The following MORC3 variants were observed in gnomAD, a reference collection of about 807,000 sequenced individuals.
The protein encoded by MORC3 is MORC family CW-type zinc finger protein 3.
Under a neutral mutation model 109.1 loss-of-function variants are expected in MORC3, and 31 were observed. The ratio of observed to expected loss-of-function variants is 0.28; its 90% CI spans 0.21 to 0.38. The LOEUF is 0.38. Among genes scored for constraint, MORC3 ranks in the 10% least tolerant of loss-of-function variants. The pLI is 1.00. For missense variants in MORC3, 867 were observed against 1,135.8 expected (o/e 0.76, Z 3.40); for synonymous variants, 395 against 380.7 (o/e 1.04, Z -0.44).
intron 8 of MORC3, among the ~76,000 whole-genome samples, chr21:36,345,256 C>T (rs2085495050): frequency 7.1e-6 from 1 of 140,728 alleles, no homozygotes; most frequent in African/African-American, 2.6e-5. Context: ...CCTTTCCCTT[C>T]CTTTTTTTTG....
chr21:36,352,841 A>C (rs953446418), intron 9 of MORC3, among the ~76,000 whole-genome samples: 1 of 151,968 alleles, frequency 6.6e-6, no homozygotes, highest in African/African-American at 2.4e-5. Flanking sequence ...ATGGTGGCAC[A>C]CATCTGTAGT....
chr21:36,321,019 C>G (rs1226015698), intron 1 of MORC3, among the ~76,000 whole-genome samples: 1 of 152,128 alleles, frequency 6.6e-6, no homozygotes, highest in Non-Finnish European at 1.5e-5. Flanking sequence ...ACCTGATTAT[C>G]CTAAAAAACT....
At chr21:36,373,892 G>C (rs1601545947) in intron 16 of MORC3, among the ~76,000 whole-genome samples, 1 of 152,146 alleles carries the variant, frequency 6.6e-6, no homozygotes, top group Admixed American at 6.5e-5. Flanking sequence ...TGAAGCAAAA[G>C]CTGCCTTACA....
chr21:36,333,149 A>G (rs2835335), intron 1 of MORC3, among the ~76,000 whole-genome samples: 90,733 of 151,848 alleles, frequency 0.6, 28,126 homozygotes, highest in East Asian at 1. Flanking sequence ...CTACACTGCT[A>G]CAAGTTCAGC....
chr21:36,331,588 C>T (rs567432179), intron 1 of MORC3, among the ~76,000 whole-genome samples: 10 of 146,910 alleles, frequency 6.8e-5, no homozygotes, highest in African/African-American at 2.5e-4. Context: ...GGCAGCAGAG[C>T]GAGACTCCAT....
chr21:36,338,616 T>C (rs1020404785), intron 4 of MORC3, among the ~76,000 whole-genome samples, 158 bp from the exon 5 acceptor site: 2 of 151,808 alleles, frequency 1.3e-5, no homozygotes, highest in African/African-American at 4.8e-5. Context: ...GTTACTGCAC[T>C]CTAGCCTAAG....
intron 16 of MORC3, among the ~76,000 whole-genome samples, chr21:36,373,457 C>T (rs961926639): frequency 5.9e-5 from 9 of 151,880 alleles, no homozygotes; most frequent in African/African-American, 2.2e-4. Context: ...AACCCCGTCT[C>T]TACTAAAAAT....
chr21:36,374,656 A>G (rs1368663486), intron 16 of MORC3, among the ~76,000 whole-genome samples: 1 of 152,120 alleles, frequency 6.6e-6, no homozygotes, highest in East Asian at 1.9e-4. Flanking sequence ...TTAACCGGGC[A>G]TGGTGGTGTG....
intron 8 of MORC3, chr21:36,348,261 G>A (rs1195705340): frequency 1.3e-5 from 2 of 152,176 alleles, no homozygotes; most frequent in Non-Finnish European, 2.9e-5. Flanking sequence ...CTAACTTTGG[G>A]TAAATGACTT....
chr21:36,338,062 C>G (rs551444075), intron 4 of MORC3, 116 bp downstream of exon 4: 1 of 1,039,252 alleles, frequency 9.6e-7, no homozygotes, highest in African/African-American at 1.6e-5. Flanking sequence ...TATTCCATTT[C>G]TTACCTCTGT....
chr21:36,356,798 A>G (rs1013021311), intron 10 of MORC3, 74 bp downstream of exon 10: 11 of 907,294 alleles, frequency 1.2e-5, no homozygotes, highest in Admixed American at 2.9e-5. Flanking sequence ...GGGATTGTAC[A>G]ATGTTTCACA....
intron 14 of MORC3, among the ~76,000 whole-genome samples, chr21:36,365,985 T>A (rs973889510): frequency 6.6e-6 from 1 of 152,198 alleles, no homozygotes; most frequent in African/African-American, 2.4e-5. Flanking sequence ...TTTTGGCTTT[T>A]CTTTGTAAGG....
chr21:36,326,988 G>C (rs374669324), intron 1 of MORC3, among the ~76,000 whole-genome samples: 1 of 151,002 alleles, frequency 6.6e-6, no homozygotes, highest in Admixed American at 6.6e-5. Context: ...GCTAATTTTC[G>C]TATTTTTAGT....
chr21:36,329,892 C>G (rs530801482), intron 1 of MORC3, among the ~76,000 whole-genome samples: 1 of 150,224 alleles, frequency 6.7e-6, no homozygotes, highest in Non-Finnish European at 1.5e-5. Flanking sequence ...GACGGAGTTT[C>G]GCTCTTGTTG....
At chr21:36,357,034 G>A (rs183537218) in intron 10 of MORC3, among the ~76,000 whole-genome samples, 13 of 152,320 alleles carry the variant, frequency 8.5e-5, no homozygotes, top group Admixed American at 4.6e-4. Flanking sequence ...TGATGGGGCT[G>A]AAACCCAACT....
Position 36,320,261 on chromosome 21 carries a change from C to G in MORC3, c.-4C>G, listed in dbSNP as rs553433937. The G allele has an allele frequency of 6.8e-5, 108 of 1,579,912 alleles. 1 individual carries two copies. Among genetic ancestry groups the G allele is most frequent in the South Asian group, 1.5e-4 (13 of 87,084 alleles). On this transcript the variant is annotated 5_prime_UTR_variant, in exon 1 of 17. Coordinates refer to ENST00000400485, the MANE Select transcript of MORC3 (RefSeq NM_015358.3). ...GCCGTTCCTGGCTTTGTAGCTCGCTCAAGATGGCGGCGCAGCCACCCCGCG... is the reference window on the plus strand; with the variant it reads ...GCCGTTCCTGGCTTTGTAGCTCGCTGAAGATGGCGGCGCAGCCACCCCGCG...
In MORC3 at chr21:36,337,150, A is replaced by G; in HGVS notation, c.245+144A>G. ...AGCTGTTCTCTAAGCATGATTTTCTACTACTGGTAGATGATGAGTCAGTCT... is the reference window on the plus strand; with the variant it reads ...AGCTGTTCTCTAAGCATGATTTTCTGCTACTGGTAGATGATGAGTCAGTCT... On this transcript the variant is annotated intron_variant, in intron 3 of 16. Transcript: ENST00000400485. The G allele has an allele frequency of 4.1e-6, 4 of 964,742 alleles. No homozygotes were observed. The South Asian group carries it at 8.0e-5, about 19-fold the overall frequency. 59.8% of individuals were successfully genotyped at this position (964,742 alleles called of 1,614,324 possible).
chr21:36,324,116 C>T (rs1471728671), intron 1 of MORC3, among the ~76,000 whole-genome samples: 1 of 152,184 alleles, frequency 6.6e-6, no homozygotes, highest in Non-Finnish European at 1.5e-5. Context: ...CTCAGGTAAT[C>T]TGCCCGCCCT....
intron 9 of MORC3, among the ~76,000 whole-genome samples, chr21:36,356,023 G>C (rs1200191573): frequency 1.3e-5 from 2 of 152,094 alleles, no homozygotes; most frequent in Non-Finnish European, 2.9e-5. Flanking sequence ...TCTTGGAGAT[G>C]CTTACATGGA....
Sources: allele counts gnomAD v4.1 joint callset (sites outside exome capture counted in the v4.1 genomes callset), GRCh38; gene constraint gnomAD v4.1.1; transcripts MANE v1.5; gene names NCBI Gene and HGNC (gene_info 2026-07-23, HGNC 2026-07-21).